BAZ1A: variants seen among roughly 807,000 people sequenced by gnomAD.
The protein encoded by BAZ1A is bromodomain adjacent to zinc finger domain 1A.
In BAZ1A, 50 loss-of-function variants were observed where a neutral mutation model predicts 185.2. That is an observed-to-expected ratio of 0.27 (90% CI 0.22 to 0.34). The LOEUF is 0.34. BAZ1A is among the 10% of genes least tolerant of loss of function. The pLI is 1.00. For missense variants in BAZ1A, 1,356 were observed against 1,839.9 expected (o/e 0.74, Z 4.81); for synonymous variants, 571 against 615.6 (o/e 0.93, Z 1.07).
chr14:34,765,077 G>A lies in BAZ1A; in HGVS notation c.3493C>T (p.Leu1165Phe), dbSNP rs145046055. ...TGACCCCTATCACAGCCATCACAAA[G>A]AACCATGTTTTCAGCATCGCCTTTC... ...RKKGDAENMVLCDGCDRGHHT... is the reference protein window; with the variant it reads ...RKKGDAENMVFCDGCDRGHHT... Residue 1165 changes from leucine to phenylalanine, a missense_variant, in exon 22 of 27, where the codon CTT becomes TTT. Around this residue, in one of 7 missense-constraint regions of BAZ1A, gnomAD observed 309 missense variants for 355.3 expected, o/e 0.87. Transcript: ENST00000360310. The A allele has an allele frequency of 6.2e-7, 1 of 1,614,150 alleles. No individual in the cohort carries two copies. The highest frequency in any genetic ancestry group is 1.3e-5 in the African/African-American group (1 of 75,046).
intron 3 of BAZ1A, among the ~76,000 whole-genome samples, chr14:34,859,415 G>A (rs2042733412): frequency 7.4e-6 from 1 of 135,370 alleles, no homozygotes; most frequent in Non-Finnish European, 1.6e-5. Context: ...TGGGCAACAG[G>A]GCCAGACCCT....
chr14:34,838,634 C>T (rs1330874981), intron 3 of BAZ1A, among the ~76,000 whole-genome samples: 2 of 151,852 alleles, frequency 1.3e-5, no homozygotes, highest in Non-Finnish European at 2.9e-5. Context: ...AAGCGATTCT[C>T]CTGCCTCAGC....
intron 25 of BAZ1A, among the ~76,000 whole-genome samples, chr14:34,756,960 A>G (rs577516422): frequency 1.5e-3 from 229 of 152,328 alleles, no homozygotes; most frequent in African/African-American, 5.4e-3. Context: ...TTTGAGAACC[A>G]CTGCTTTACA....
intron 3 of BAZ1A, among the ~76,000 whole-genome samples, chr14:34,851,712 A>G (rs2138790669): frequency 6.6e-6 from 1 of 152,170 alleles, no homozygotes; most frequent in East Asian, 1.9e-4. Context: ...CAAGCTACTC[A>G]GGAGGCTAAG....
intron 9 of BAZ1A, among the ~76,000 whole-genome samples, chr14:34,796,625 T>C (rs1881214603): frequency 1.3e-5 from 2 of 152,200 alleles, no homozygotes; most frequent in South Asian, 4.1e-4. Flanking sequence ...GTGTTTGAAA[T>C]TGCAAGATAA....
At chr14:34,784,028 G>T in intron 14 of BAZ1A, 101 bp from the exon 15 acceptor site, 1 of 1,052,308 alleles carries the variant, frequency 9.5e-7, no homozygotes, top group Non-Finnish European at 1.3e-6. Flanking sequence ...GCCTAATAAA[G>T]AATATGGAGT....
chr14:34,813,055 G>A (rs1225118793), intron 4 of BAZ1A, among the ~76,000 whole-genome samples: 1 of 152,108 alleles, frequency 6.6e-6, no homozygotes, highest in Non-Finnish European at 1.5e-5. Context: ...GTTCCAAGAG[G>A]ACAGATCAAA....
At chr14:34,850,242 G>A (rs2042576886) in intron 3 of BAZ1A, among the ~76,000 whole-genome samples, 1 of 152,140 alleles carries the variant, frequency 6.6e-6, no homozygotes, top group South Asian at 2.1e-4. Flanking sequence ...TCCAGGTGTG[G>A]TGGAATGGGC....
intron 2 of BAZ1A, among the ~76,000 whole-genome samples, chr14:34,868,711 G>C (rs541817773): frequency 6.6e-6 from 1 of 152,072 alleles, no homozygotes; most frequent in Non-Finnish European, 1.5e-5. Context: ...TGAGGTGGGA[G>C]AATCGCTTGA....
rs1879380677 is a variant in BAZ1A at position 34,773,589 on chromosome 14, C to T, written c.3135G>A (p.Lys1045=). Residue 1045 remains lysine (K), a synonymous_variant, in exon 20 of 27, where the codon AAG becomes AAA. Transcript: ENST00000360310. ...TTTTGTACCTGTCTTTTACTATGAC[C>T]TTTGTTTGTTCATCAATTTCCATCT... is the stretch of plus-strand genomic sequence containing the variant. ...VEEMEIDEQT[K]VIVKDRLLGI... 1 of 1,608,190 alleles carries T rather than the reference C, an allele frequency of 6.2e-7. No homozygotes were observed. The highest frequency in any genetic ancestry group is 1.3e-5 in the African/African-American group (1 of 74,544).
chr14:34,844,303 AGGAATAAATT>A, intron 3 of BAZ1A, among the ~76,000 whole-genome samples: 1 of 152,194 alleles, frequency 6.6e-6, no homozygotes, highest in African/African-American at 2.4e-5. Flanking sequence ...TAAAATACTT[AGGAATAAATT>A]TAACCAAAGA....
At chr14:34,768,658 A>G in intron 21 of BAZ1A, 1 of 382,302 alleles carries the variant, frequency 2.6e-6, no homozygotes, top group South Asian at 2.0e-5. Context: ...AAAAGACAAA[A>G]CATAAATTTC....
At chr14:34,838,221 T>C (rs1319936528) in intron 3 of BAZ1A, among the ~76,000 whole-genome samples, 1 of 152,348 alleles carries the variant, frequency 6.6e-6, no homozygotes, top group Non-Finnish European at 1.5e-5. Flanking sequence ...CAAATCCTGC[T>C]GTTAAGGAAA....
At chr14:34,760,092 T>TA (rs1478975765) in intron 24 of BAZ1A, among the ~76,000 whole-genome samples, 3 of 152,226 alleles carry the variant, frequency 2.0e-5, no homozygotes, top group Non-Finnish European at 4.4e-5. Flanking sequence ...AAGGGTAGTA[T>TA]AGTCCATATA....
intron 24 of BAZ1A, among the ~76,000 whole-genome samples, chr14:34,760,792 C>T (rs2138541120): frequency 6.6e-6 from 1 of 152,154 alleles, no homozygotes; most frequent in Non-Finnish European, 1.5e-5. Context: ...GCAGAGGTTG[C>T]AGTGAGCTCA....
chr14:34,860,087 C>T (rs1004026260), intron 3 of BAZ1A, among the ~76,000 whole-genome samples: 2 of 152,116 alleles, frequency 1.3e-5, no homozygotes, highest in African/African-American at 4.8e-5. Flanking sequence ...CAATTCTATG[C>T]TTAATTATTT....
At chr14:34,802,722 TAC>T in intron 7 of BAZ1A, 130 bp downstream of exon 7, 2 of 913,994 alleles carry the variant, frequency 2.2e-6, no homozygotes, top group East Asian at 5.3e-5. Flanking sequence ...AGTACACACT[TAC>T]ATACTTTTTG....
At chr14:34,818,819 G>A (rs1173671893) in intron 4 of BAZ1A, among the ~76,000 whole-genome samples, 1 of 151,992 alleles carries the variant, frequency 6.6e-6, no homozygotes, top group Non-Finnish European at 1.5e-5. Flanking sequence ...AAAATTGTAT[G>A]CTGAGGTTGC....
rs113797032 is a variant in BAZ1A at position 34,853,035 on chromosome 14, A to G, written c.392+9009T>C. Among the ~76,000 whole-genome samples the G allele has an allele frequency of 7.8e-3, 1,106 of 142,308 alleles. 14 individuals carry two copies. The highest frequency in any genetic ancestry group is 0.026 in the African/African-American group (1,037 of 40,330). 93.4% of individuals were successfully genotyped at this position (142,308 alleles called of 152,430 possible). The stretch of plus-strand genomic sequence containing the variant: ...AAGCGTACAGATGATCAATAAATAC[A>G]TGTTGAACAATTACAAAAAAAAAAA... On this transcript the variant is annotated intron_variant, in intron 3 of 26. Coordinates refer to ENST00000360310, the MANE Select transcript of BAZ1A (RefSeq NM_013448.3).
Sources: gnomAD v4.1 joint callset for allele counts (sites outside exome capture counted in the v4.1 genomes callset) on GRCh38, gnomAD v4.1.1 for gene constraint, gnomAD v4.1.1 regional missense constraint, MANE v1.5 for transcripts, NCBI Gene and HGNC (gene_info 2026-07-23, HGNC 2026-07-21) for gene names.